The following FOLR2 variants were observed in gnomAD, a reference collection of about 807,000 sequenced individuals.
FOLR2 encodes folate receptor beta.
FOLR2 carries 14 observed loss-of-function variants against 20.4 expected under a neutral mutation model. The ratio of observed to expected loss-of-function variants is 0.68; its 90% CI spans 0.45 to 1.07. The LOEUF (loss-of-function observed/expected upper bound fraction) is 1.07. Among genes scored for constraint, FOLR2 ranks in the 50% least tolerant of loss-of-function variants. The pLI is 0.00. For synonymous variants in FOLR2, 114 were observed against 114.3 expected (o/e 1.00, Z 0.02); for missense variants, 269 against 322.6 (o/e 0.83, Z 1.27).
intron 2 of FOLR2, among the ~76,000 whole-genome samples, chr11:72,220,125 G>A (rs947497695): frequency 2.6e-5 from 4 of 152,112 alleles, no homozygotes; most frequent in South Asian, 4.1e-4. Flanking sequence ...TTACAGCTAC[G>A]AGCCACCACG....
At chr11:72,218,404 C>G in intron 1 of FOLR2, 157 bp from the exon 2 acceptor site, 1 of 637,056 alleles carries the variant, frequency 1.6e-6, no homozygotes, top group Non-Finnish European at 2.7e-6. Flanking sequence ...CTGGTCAACC[C>G]TCTCTACCCT....
intron 1 of FOLR2, chr11:72,217,288 G>T: frequency 9.6e-6 from 10 of 1,038,480 alleles, no homozygotes; most frequent in Non-Finnish European, 1.3e-5. Context: ...CTCCCAAAGT[G>T]CTGGGATTAC....
In FOLR2 at chr11:72,218,553, T is replaced by C; in HGVS notation, c.-24-8T>C. ...CTTTCCCCTCAGGACTTGGTTTCCC[T>C]ACCCTAGCTCCGCCTGCAGGGACAG... is the stretch of plus-strand genomic sequence containing the variant. On this transcript the variant is annotated splice_polypyrimidine_tract_variant and splice_region_variant and intron_variant, in intron 1 of 4. Transcript: ENST00000298223. 2 of 1,606,308 alleles carry C rather than the reference T, an allele frequency of 1.2e-6. No individual in the cohort carries two copies. The highest frequency in any genetic ancestry group is 1.7e-6 in the Non-Finnish European group (2 of 1,176,342).
intron 1 of FOLR2, 130 bp downstream of exon 1, chr11:72,217,055 C>T (rs1163936248): frequency 2.2e-5 from 23 of 1,031,170 alleles, no homozygotes; most frequent in Middle Eastern, 2.5e-4. Context: ...GACAGAGTCT[C>T]GCTCTGTCAC....
intron 2 of FOLR2, among the ~76,000 whole-genome samples, chr11:72,220,532 C>T (rs888333929): frequency 6.6e-6 from 1 of 152,200 alleles, no homozygotes; most frequent in African/African-American, 2.4e-5. Flanking sequence ...GCATCTATAA[C>T]CGTGACTGGC....
intron 1 of FOLR2, chr11:72,217,323 A>G (rs1219472196): frequency 1.6e-6 from 2 of 1,267,208 alleles, no homozygotes; most frequent in African/African-American, 1.5e-5. Flanking sequence ...GTGCCCGGCC[A>G]CATCTTTCTT....
At chr11:72,217,033 T>C in intron 1 of FOLR2, 108 bp downstream of exon 1, 1 of 1,269,596 alleles carries the variant, frequency 7.9e-7, no homozygotes. Flanking sequence ...TGTATTGTAT[T>C]GTATTTTTTG....
Position 72,216,933 on chromosome 11 carries a change from G to A in FOLR2, c.-25+8G>A. 1 of 1,599,554 alleles carries A rather than the reference G, an allele frequency of 6.3e-7. No individual in the cohort carries two copies. Among genetic ancestry groups the A allele is most frequent in the Admixed American group, 1.7e-5 (1 of 60,032 alleles). ...GCAGCAACGGAGGTTCAGGCAAGATGCCCGAAGGAGGGAAGGGTGACAAGG... is the reference window on the plus strand; with the variant it reads ...GCAGCAACGGAGGTTCAGGCAAGATACCCGAAGGAGGGAAGGGTGACAAGG... On this transcript the variant is annotated splice_region_variant and intron_variant, in intron 1 of 4. Transcript: ENST00000298223.
In FOLR2 at chr11:72,221,063, G is replaced by T. The variant is rs749773371; in HGVS notation, c.339+5G>T. The T allele has an allele frequency of 6.2e-7, 1 of 1,603,466 alleles. No homozygotes were observed. Among genetic ancestry groups the T allele is most frequent in the East Asian group, 2.3e-5 (1 of 44,422 alleles). On this transcript the variant is annotated splice_donor_5th_base_variant and intron_variant, in intron 3 of 4. Coordinates refer to ENST00000298223, the MANE Select transcript of FOLR2 (RefSeq NM_000803.5). ...CTGGGGCCCTGGATCCAGCAGGTAG[G>T]GTGTCTCCCCCCCACCCACCCCAGC...
chr11:72,221,247 G>A lies in FOLR2; in HGVS notation c.411G>A (p.Trp137Ter), dbSNP rs1280776020. ...PLCKEDCQRW[W>*]EDCHTSHTCK... ...GCAAAGAGGACTGTCAGCGCTGGTG[G>A]GAGGATTGTCACACCTCCCACACGT... Residue 137 changes from tryptophan (W) to a stop codon, truncating the protein, a stop_gained, in exon 4 of 5, where the codon TGG becomes TGA. Transcript: ENST00000298223. LOFTEE classifies it high-confidence loss of function. 3 of 1,613,808 alleles carry A rather than the reference G, an allele frequency of 1.9e-6. No homozygotes were observed. Among genetic ancestry groups the A allele is most frequent in the African/African-American group, 1.3e-5 (1 of 74,936 alleles).
At chr11:72,218,800 G>T in intron 2 of FOLR2, 66 bp downstream of exon 2, 2 of 1,395,536 alleles carry the variant, frequency 1.4e-6, no homozygotes, top group African/African-American at 1.4e-5. Context: ...AAGTCAGGAT[G>T]GTGGGAGAGG....
In FOLR2 at chr11:72,221,067, T is replaced by TCGGGGGGGGGCGCCCCCCCCCC; in HGVS notation, c.339+10_339+11insGGGGGGGGGCGCCCCCCCCCCC. On this transcript the variant is annotated intron_variant, in intron 3 of 4. Coordinates refer to ENST00000298223, the MANE Select transcript of FOLR2 (RefSeq NM_000803.5). Reference sequence around the variant, plus strand: ...GGCCCTGGATCCAGCAGGTAGGGTGTCTCCCCCCCACCCACCCCAGCAGAC... The same window carrying TCGGGGGGGGGCGCCCCCCCCCC: ...GGCCCTGGATCCAGCAGGTAGGGTGTCGGGGGGGGGCGCCCCCCCCCCCTCCCCCCCACCCACCCCAGCAGAC... 1.3e-6 allele frequency: 2 copies of TCGGGGGGGGGCGCCCCCCCCCC among 1,570,092 alleles called. No individual in the cohort carries two copies. Among genetic ancestry groups the TCGGGGGGGGGCGCCCCCCCCCC allele is most frequent in the Non-Finnish European group, 1.7e-6 (2 of 1,154,888 alleles).
In FOLR2 at chr11:72,221,067, T is replaced by TCGGGGGGG; in HGVS notation, c.339+10_339+11insGGGGGGGC. 6.4e-6 allele frequency: 10 copies of TCGGGGGGG among 1,570,000 alleles called. No homozygotes were observed. Among genetic ancestry groups the TCGGGGGGG allele is most frequent in the Middle Eastern group, 1.7e-4 (1 of 5,850 alleles). On this transcript the variant is annotated intron_variant, in intron 3 of 4. Transcript: ENST00000298223. ...GGCCCTGGATCCAGCAGGTAGGGTG[T>TCGGGGGGG]CTCCCCCCCACCCACCCCAGCAGAC...
intron 2 of FOLR2, 71 bp downstream of exon 2, chr11:72,218,805 G>T: frequency 7.5e-7 from 1 of 1,332,532 alleles, no homozygotes; most frequent in Non-Finnish European, 1.1e-6. Flanking sequence ...AGGATGGTGG[G>T]AGAGGGATTG....
chr11:72,219,378 A>C (rs1948446598), intron 2 of FOLR2, among the ~76,000 whole-genome samples: 1 of 152,132 alleles, frequency 6.6e-6, no homozygotes, highest in Non-Finnish European at 1.5e-5. Flanking sequence ...TCTCTTTTCT[A>C]TCCTGCAATG....
intron 1 of FOLR2, chr11:72,217,388 G>A: frequency 7.8e-7 from 1 of 1,289,044 alleles, no homozygotes; most frequent in Non-Finnish European, 1.0e-6. Context: ...GAAGAAATTG[G>A]AAGAGGGAAG....
rs766991405 is a variant in FOLR2, at chr11:72,220,953, T to A, written c.234T>A (p.Phe78Leu). The A allele has an allele frequency of 2.5e-6, 4 of 1,614,008 alleles. No homozygotes were observed. The Admixed American group carries it at 6.7e-5, about 27-fold the overall frequency. Residue 78 changes from phenylalanine to leucine, a missense_variant, in exon 3 of 5, where the codon TTT (phenylalanine) becomes TTA (leucine). Transcript: ENST00000298223. The stretch of plus-strand genomic sequence containing the variant: ...AGGACACCTCCCGCCTGTACAACTT[T>A]AACTGGGACCACTGCGGCAAGATGG... ...LHKDTSRLYN[F>L]NWDHCGKMEP...
Position 72,216,794 on chromosome 11 carries a change from A to G in FOLR2, c.-156A>G, listed in dbSNP as rs1181896202. 1.8e-6 allele frequency: 2 copies of G among 1,117,948 alleles called. No homozygotes were observed. The highest frequency in any genetic ancestry group is 2.4e-5 in the East Asian group (1 of 41,592). 69.3% of individuals were successfully genotyped at this position (1,117,948 alleles called of 1,614,324 possible). ...AGGGAGATTTCACTCAGTGCTTACC[A>G]GAGCGCGTTGTCTACCCTGTACCGA... On this transcript the variant is annotated 5_prime_UTR_variant, in exon 1 of 5. Coordinates refer to ENST00000298223, the MANE Select transcript of FOLR2 (RefSeq NM_000803.5).
chr11:72,220,103 A>G (rs1948459098), intron 2 of FOLR2, among the ~76,000 whole-genome samples: 1 of 152,152 alleles, frequency 6.6e-6, no homozygotes, highest in Non-Finnish European at 1.5e-5. Flanking sequence ...TCGGCCTCCC[A>G]AAGTGCTGGG....
Sources: gnomAD v4.1 joint callset for allele counts (sites outside exome capture counted in the v4.1 genomes callset) on GRCh38, gnomAD v4.1.1 for gene constraint, MANE v1.5 for transcripts, NCBI Gene and HGNC (gene_info 2026-07-23, HGNC 2026-07-21) for gene names.